The following LHFPL3 variants were observed in gnomAD, a reference collection of about 807,000 sequenced individuals.
LHFPL3 encodes LHFPL tetraspan subfamily member 3 protein.
In LHFPL3, 5 loss-of-function variants were observed where a neutral mutation model predicts 19.3. The observed-to-expected ratio is 0.26, with a 90% CI of 0.14 to 0.54. LHFPL3 has a LOEUF of 0.54. Ranked by LOEUF, LHFPL3 falls within the 20% of genes least tolerant of loss-of-function variation. The pLI is 0.94. For synonymous variants in LHFPL3, 133 were observed against 126.2 expected (o/e 1.05, Z -0.36); for missense variants, 249 against 307.4 (o/e 0.81, Z 1.42).
At chr7:104,864,490 G>C (rs1292262129) in intron 2 of LHFPL3, among the ~76,000 whole-genome samples, 1 of 152,212 alleles carries the variant, frequency 6.6e-6, no homozygotes, top group African/African-American at 2.4e-5. Flanking sequence ...GGCTTGGAGA[G>C]TCCTACGCCC....
At chr7:104,595,303 G>T (rs1408504117) in intron 1 of LHFPL3, among the ~76,000 whole-genome samples, 1 of 152,194 alleles carries the variant, frequency 6.6e-6, no homozygotes, top group Non-Finnish European at 1.5e-5. Flanking sequence ...AGGTCTCTCA[G>T]CTATAGGTCT....
intron 1 of LHFPL3, among the ~76,000 whole-genome samples, chr7:104,635,442 G>A (rs1235242433): frequency 6.6e-6 from 1 of 152,002 alleles, no homozygotes; most frequent in Admixed American, 6.6e-5. Context: ...AGAACAGATG[G>A]GCAAAATGTA....
At chr7:104,559,940 T>C (rs908103504) in intron 1 of LHFPL3, among the ~76,000 whole-genome samples, 1 of 150,108 alleles carries the variant, frequency 6.7e-6, no homozygotes, top group Non-Finnish European at 1.5e-5. Flanking sequence ...GAGATAATCA[T>C]GTGGTTTTTG....
At chr7:104,446,043 G>C (rs1314903107) in intron 1 of LHFPL3, among the ~76,000 whole-genome samples, 2 of 152,124 alleles carry the variant, frequency 1.3e-5, no homozygotes, top group Non-Finnish European at 2.9e-5. Context: ...GTGGGACACA[G>C]GATAATTGTA....
At chr7:104,807,801 C>T (rs1229672952) in intron 2 of LHFPL3, among the ~76,000 whole-genome samples, 1 of 152,178 alleles carries the variant, frequency 6.6e-6, no homozygotes, top group African/African-American at 2.4e-5. Flanking sequence ...CTTTGTACTC[C>T]CTCCATCCAA....
At chr7:104,889,004 CAGAA>C (rs1481654124) in intron 2 of LHFPL3, among the ~76,000 whole-genome samples, 1 of 151,282 alleles carries the variant, frequency 6.6e-6, no homozygotes, top group Admixed American at 6.6e-5. Flanking sequence ...TGACCAAAGA[CAGAA>C]AGAGAAGAAA....
chr7:104,490,964 T>C (rs1019395603), intron 1 of LHFPL3, among the ~76,000 whole-genome samples: 1 of 152,098 alleles, frequency 6.6e-6, no homozygotes, highest in South Asian at 2.1e-4. Flanking sequence ...TAGGTGTGGG[T>C]GAGCCCTCCA....
At chr7:104,595,067 A>G (rs1481132641) in intron 1 of LHFPL3, among the ~76,000 whole-genome samples, 5 of 152,206 alleles carry the variant, frequency 3.3e-5, no homozygotes, top group Non-Finnish European at 5.9e-5. Flanking sequence ...TTCTCCGTCT[A>G]GCTTTGTTCC....
At chr7:104,540,075 G>T (rs1458015071) in intron 1 of LHFPL3, among the ~76,000 whole-genome samples, 1 of 152,114 alleles carries the variant, frequency 6.6e-6, no homozygotes, top group Non-Finnish European at 1.5e-5. Context: ...GCCATACTAG[G>T]AGTTTGGGCC....
chr7:104,542,901 C>G (rs546498392), intron 1 of LHFPL3, among the ~76,000 whole-genome samples: 53 of 152,192 alleles, frequency 3.5e-4, no homozygotes, highest in Middle Eastern at 3.4e-3. Flanking sequence ...TGGAACCAAC[C>G]CAAATGCCCA....
At chr7:104,509,590 G>A (rs1384297160) in intron 1 of LHFPL3, among the ~76,000 whole-genome samples, 2 of 151,810 alleles carry the variant, frequency 1.3e-5, no homozygotes, top group East Asian at 3.9e-4. Context: ...CTTTCTCAAC[G>A]TGATAAAAAA....
At chr7:104,829,491 C>G (rs947139903) in intron 2 of LHFPL3, among the ~76,000 whole-genome samples, 1 of 151,718 alleles carries the variant, frequency 6.6e-6, no homozygotes, top group East Asian at 1.9e-4. Flanking sequence ...TCCCCCTACC[C>G]CACAACAGTC....
chr7:104,557,402 T>C (rs901635273), intron 1 of LHFPL3, among the ~76,000 whole-genome samples: 1 of 152,184 alleles, frequency 6.6e-6, no homozygotes, highest in Non-Finnish European at 1.5e-5. Context: ...AGAGAGATTG[T>C]GCAAGGAAAC....
intron 1 of LHFPL3, among the ~76,000 whole-genome samples, chr7:104,475,893 C>T (rs141919620): frequency 2.6e-5 from 4 of 152,022 alleles, no homozygotes; most frequent in Admixed American, 6.6e-5. Context: ...ATTTATCAAA[C>T]GATGATTTTT....
chr7:104,853,081 G>A (rs1200628074), intron 2 of LHFPL3, among the ~76,000 whole-genome samples: 3 of 152,260 alleles, frequency 2.0e-5, no homozygotes, highest in African/African-American at 7.2e-5. Context: ...TCCCTGCCCA[G>A]GACTGGCAGT....
At chr7:104,485,110 A>G (rs1262381213) in intron 1 of LHFPL3, among the ~76,000 whole-genome samples, 1 of 152,178 alleles carries the variant, frequency 6.6e-6, no homozygotes, top group Admixed American at 6.5e-5. Context: ...TAATTTATTC[A>G]TATAACTTGA....
intron 1 of LHFPL3, among the ~76,000 whole-genome samples, chr7:104,487,453 T>G (rs10234384): frequency 0.66 from 99,634 of 152,012 alleles, 33,258 homozygotes; most frequent in Middle Eastern, 0.73. Context: ...TCCCATCGTG[T>G]GGTGCACTCA....
chr7:104,331,791 A>G (rs1476747963), intron 1 of LHFPL3, among the ~76,000 whole-genome samples: 11 of 152,054 alleles, frequency 7.2e-5, no homozygotes, highest in African/African-American at 2.7e-4. Context: ...CTCTACTAAA[A>G]ATACAAAAAT....
At chr7:104,559,941 G>A (rs1249436693) in intron 1 of LHFPL3, among the ~76,000 whole-genome samples, 1 of 150,000 alleles carries the variant, frequency 6.7e-6, no homozygotes, top group African/African-American at 2.5e-5. Flanking sequence ...AGATAATCAT[G>A]TGGTTTTTGT....
Sources: gnomAD v4.1 joint callset for allele counts (sites outside exome capture counted in the v4.1 genomes callset) on GRCh38, gnomAD v4.1.1 for gene constraint, MANE v1.5 for transcripts, NCBI Gene and HGNC (gene_info 2026-07-23, HGNC 2026-07-21) for gene names.